Variants in CPQ observed in about 807,000 individuals in gnomAD.
The protein encoded by CPQ is carboxypeptidase Q.
In CPQ, 37 loss-of-function variants were observed where a neutral mutation model predicts 45.7. The observed-to-expected ratio is 0.81, with a 90% CI of 0.62 to 1.07. The LOEUF is 1.07. CPQ is among the 50% of genes least tolerant of loss of function. The pLI is 0.00. For synonymous variants in CPQ, 186 were observed against 205.8 expected (o/e 0.90, Z 0.82); for missense variants, 537 against 572.9 (o/e 0.94, Z 0.64).
chr8:97,124,720 G>T (rs1399277066), intron 7 of CPQ, among the ~76,000 whole-genome samples: 1 of 152,116 alleles, frequency 6.6e-6, no homozygotes, highest in Non-Finnish European at 1.5e-5. Context: ...GAATTTATTT[G>T]AACCTTATTG....
intron 1 of CPQ, among the ~76,000 whole-genome samples, chr8:96,750,129 T>C (rs1218240984): frequency 6.6e-6 from 1 of 151,784 alleles, no homozygotes; most frequent in East Asian, 1.9e-4. Context: ...GATATATACA[T>C]GTATATATAT....
intron 7 of CPQ, among the ~76,000 whole-genome samples, chr8:97,076,347 AC>A (rs1437460282): frequency 6.6e-6 from 1 of 152,062 alleles, no homozygotes. Context: ...TATTTATATA[AC>A]TACAATACTA....
intron 7 of CPQ, among the ~76,000 whole-genome samples, chr8:97,110,469 A>G (rs13264671): frequency 0.21 from 31,853 of 152,052 alleles, 3,495 homozygotes; most frequent in South Asian, 0.35. Flanking sequence ...TCTTTCTTGG[A>G]AAAATATCTA....
intron 1 of CPQ, among the ~76,000 whole-genome samples, chr8:96,646,191 A>T (rs1239492866): frequency 6.6e-6 from 1 of 151,850 alleles, no homozygotes; most frequent in East Asian, 1.9e-4. Context: ...GGGACCACTT[A>T]AAAAGAGTTC....
At chr8:97,060,849 CAAT>C (rs1810538616) in intron 6 of CPQ, among the ~76,000 whole-genome samples, 2 of 152,142 alleles carry the variant, frequency 1.3e-5, no homozygotes, top group South Asian at 4.1e-4. Context: ...ATGTTCGTGA[CAAT>C]ATATTCCTGA....
At chr8:96,916,088 A>G (rs546838765) in intron 4 of CPQ, among the ~76,000 whole-genome samples, 1 of 152,252 alleles carries the variant, frequency 6.6e-6, no homozygotes, top group South Asian at 2.1e-4. Flanking sequence ...GCTTGCCTTG[A>G]CTTGCCTACT....
intron 1 of CPQ, among the ~76,000 whole-genome samples, chr8:96,669,826 G>T (rs1228652008): frequency 6.6e-6 from 1 of 152,140 alleles, no homozygotes; most frequent in East Asian, 1.9e-4. Context: ...GTTAATCATG[G>T]TAGTTATGTT....
chr8:96,841,208 G>A (rs1437850646), intron 3 of CPQ, among the ~76,000 whole-genome samples: 7 of 152,098 alleles, frequency 4.6e-5, no homozygotes, highest in Non-Finnish European at 8.8e-5. Flanking sequence ...TTGAGTCCGA[G>A]GCAACTGTAA....
At chr8:96,841,095 C>T (rs926728186) in intron 3 of CPQ, among the ~76,000 whole-genome samples, 1 of 152,084 alleles carries the variant, frequency 6.6e-6, no homozygotes, top group African/African-American at 2.4e-5. Context: ...CTGATGATCC[C>T]TGCTCTAAGG....
At chr8:96,898,311 C>T (rs1023590679) in intron 4 of CPQ, among the ~76,000 whole-genome samples, 1 of 152,058 alleles carries the variant, frequency 6.6e-6, no homozygotes, top group African/African-American at 2.4e-5. Flanking sequence ...GATGTCTCTG[C>T]AAGCTTTGGC....
intron 1 of CPQ, among the ~76,000 whole-genome samples, chr8:96,648,980 T>TTTTTG (rs1190683842): frequency 4.6e-5 from 7 of 152,304 alleles, no homozygotes; most frequent in South Asian, 2.1e-4. Context: ...TTCAGCATTA[T>TTTTTG]TTTTGTTTTG....
At chr8:97,100,642 T>C (rs960294939) in intron 7 of CPQ, among the ~76,000 whole-genome samples, 4 of 152,172 alleles carry the variant, frequency 2.6e-5, no homozygotes, top group African/African-American at 9.7e-5. Flanking sequence ...ACATAGAACA[T>C]ATATTTTTAA....
chr8:96,928,227 T>C (rs1812919122), intron 4 of CPQ, among the ~76,000 whole-genome samples: 1 of 152,152 alleles, frequency 6.6e-6, no homozygotes, highest in South Asian at 2.1e-4. Context: ...ATTTATGCAC[T>C]AATAACCTTC....
intron 6 of CPQ, among the ~76,000 whole-genome samples, chr8:97,044,434 C>T (rs1263655899): frequency 3.3e-5 from 5 of 152,122 alleles, no homozygotes; most frequent in African/African-American, 1.2e-4. Context: ...TTTGAATTTC[C>T]TCCTGTAGCT....
chr8:96,908,026 T>C (rs1476227956), intron 4 of CPQ, among the ~76,000 whole-genome samples: 2 of 152,046 alleles, frequency 1.3e-5, no homozygotes, highest in Non-Finnish European at 2.9e-5. Context: ...TTTAACATTT[T>C]TACTGATGGT....
At chr8:97,042,997 T>C (rs1194212813) in intron 6 of CPQ, among the ~76,000 whole-genome samples, 1 of 150,980 alleles carries the variant, frequency 6.6e-6, no homozygotes, top group Non-Finnish European at 1.5e-5. Context: ...AGATGTCTAT[T>C]AGGTCCGCTT....
At chr8:97,060,024 C>T (rs865998390) in intron 6 of CPQ, among the ~76,000 whole-genome samples, 6 of 151,974 alleles carry the variant, frequency 3.9e-5, no homozygotes, top group Non-Finnish European at 2.9e-5. Flanking sequence ...TGAGAAAATA[C>T]GTTTATTTCA....
At position 96,765,152 on chromosome 8, in the gene CPQ, C is replaced by T. The variant is rs188251821; in HGVS notation, c.-34-19712C>T. 1.5e-3 allele frequency among the ~76,000 whole-genome samples: 224 copies of T among 152,202 alleles called. 4 individuals carry two copies. The highest frequency in any genetic ancestry group is 0.011 in the Admixed American group (169 of 15,276). Reference sequence around the variant, plus strand: ...CTTTGCTAATTGACAGAGTGTTTGGCGCAATAGCCCAGGCAGAGCCATTCT... The same window carrying T: ...CTTTGCTAATTGACAGAGTGTTTGGTGCAATAGCCCAGGCAGAGCCATTCT... On this transcript the variant is annotated intron_variant, in intron 1 of 7. Transcript: ENST00000220763.
intron 1 of CPQ, among the ~76,000 whole-genome samples, chr8:96,744,089 G>A (rs1305537565): frequency 6.6e-6 from 1 of 151,592 alleles, no homozygotes; most frequent in African/African-American, 2.4e-5. Context: ...CTGCCACCTT[G>A]CAGTTTGATC....
Sources: allele counts gnomAD v4.1 joint callset (sites outside exome capture counted in the v4.1 genomes callset), GRCh38; gene constraint gnomAD v4.1.1; transcripts MANE v1.5; gene names NCBI Gene and HGNC (gene_info 2026-07-23, HGNC 2026-07-21).